Variants in PDCL3 observed in about 807,000 individuals in gnomAD.
PDCL3 encodes the protein phosducin like 3.
Under a neutral mutation model 26.5 loss-of-function variants are expected in PDCL3, and 22 were observed. That is an observed-to-expected ratio of 0.83 (90% confidence interval 0.59 to 1.19). The LOEUF is 1.19. PDCL3 is among the 50% of genes most tolerant of loss of function. The probability of loss-of-function intolerance (pLI) is 0.00; values close to 1 mark genes in which losing one functional copy is unlikely to be tolerated. For synonymous variants in PDCL3, 81 were observed against 104.9 expected (o/e 0.77, Z 1.39); for missense variants, 246 against 294.1 (o/e 0.84, Z 1.20).
intron 5 of PDCL3, among the ~76,000 whole-genome samples, chr2:100,575,500 G>A (rs1675269915): frequency 6.6e-6 from 1 of 152,148 alleles, no homozygotes; most frequent in African/African-American, 2.4e-5. Context: ...TCCTTTAAGC[G>A]AAGCCATTTG....
chr2:100,570,853 A>C (rs1373348252), intron 4 of PDCL3, among the ~76,000 whole-genome samples: 1 of 152,156 alleles, frequency 6.6e-6, no homozygotes, highest in Non-Finnish European at 1.5e-5. Context: ...ATTCAACCTT[A>C]TAAGAAATGT....
chr2:100,571,797 T>C lies in PDCL3; in HGVS notation c.576T>C (p.Asp192=). The C allele has an allele frequency of 6.2e-7, 1 of 1,614,026 alleles. No individual in the cohort carries two copies. Residue 192 remains aspartate (D), a splice_region_variant and synonymous_variant, in exon 5 of 6, where the codon GAT becomes GAC. Coordinates refer to ENST00000264254, the MANE Select transcript of PDCL3 (RefSeq NM_024065.5). Reference sequence around the variant, plus strand: ...TTGGCGGCATGAACCTGACAAGAGATGGTAAGGGCTCTGGGAGACAGGCGG... The same window carrying C: ...TTGGCGGCATGAACCTGACAAGAGACGGTAAGGGCTCTGGGAGACAGGCGG... ...LVFGGMNLTR[D]ELEWKLSESG... is the part of the protein sequence containing the mutation.
At chr2:100,571,507 A>C in intron 4 of PDCL3, 83 bp from the exon 5 acceptor site, 1 of 1,232,878 alleles carries the variant, frequency 8.1e-7, no homozygotes, top group Non-Finnish European at 1.2e-6. Flanking sequence ...ACAAGGTTTT[A>C]CTTAGGGTAG....
intron 1 of PDCL3, 75 bp downstream of exon 1, chr2:100,563,148 A>T: frequency 6.6e-7 from 1 of 1,511,716 alleles, no homozygotes; most frequent in South Asian, 1.2e-5. Flanking sequence ...CGGGCAGTGG[A>T]CGCCCGCCCT....
At position 100,568,941 on chromosome 2, in the gene PDCL3, T is replaced by G. The variant is rs755571480; in HGVS notation, c.144T>G (p.Tyr48Ter). 10 of 1,613,494 alleles carry G rather than the reference T, an allele frequency of 6.2e-6. No individual in the cohort carries two copies. The highest frequency in any genetic ancestry group is 7.6e-6 in the Non-Finnish European group (9 of 1,179,764). Residue 48 changes from tyrosine to a stop codon, truncating the protein, a stop_gained, in exon 3 of 6, where the codon TAT becomes TAG. Coordinates refer to ENST00000264254, the MANE Select transcript of PDCL3 (RefSeq NM_024065.5). LOFTEE classifies it high-confidence loss of function. ...TGTAACCAAATTCAGTGAAAACATA[T>G]GAAGATATGACTTTGGAAGAGCTGG... ...RILQQSVVKT[Y>*]EDMTLEELED...
At chr2:100,568,640 A>G (rs1400789735) in intron 2 of PDCL3, among the ~76,000 whole-genome samples, 1 of 152,136 alleles carries the variant, frequency 6.6e-6, no homozygotes, top group Non-Finnish European at 1.5e-5. Context: ...TCTCCAAAAA[A>G]AGGAAAATAA....
intron 5 of PDCL3, among the ~76,000 whole-genome samples, chr2:100,575,413 G>A (rs560793294): frequency 1.1e-3 from 165 of 152,342 alleles, no homozygotes; most frequent in Middle Eastern, 3.4e-3. Context: ...GGGATTACAG[G>A]CATGTGCCAC....
rs575405124 is a variant in PDCL3 at position 100,574,454 on chromosome 2, T to TA, written c.578-1899dup. Among the ~76,000 whole-genome samples the TA allele has an allele frequency of 2.1e-3, 315 of 152,126 alleles. 3 individuals are homozygous for TA. The highest frequency in any genetic ancestry group is 6.6e-3 in the African/African-American group (275 of 41,528). ...CTTCGTGGAACACTTTTTTTTTTTT[T>TA]ACCCAGCATGACTGAGGTATGATGA... On this transcript the variant is annotated intron_variant, in intron 5 of 5. Transcript: ENST00000264254.
intron 1 of PDCL3, among the ~76,000 whole-genome samples, chr2:100,565,956 T>C (rs955379316): frequency 6.6e-6 from 1 of 152,130 alleles, no homozygotes; most frequent in Non-Finnish European, 1.5e-5. Flanking sequence ...CAGGCTGGAG[T>C]GCAGTGGCAC....
rs1675065248 is a variant in PDCL3 at position 100,566,537 on chromosome 2, T to A, written c.41T>A (p.Leu14Ter). ...GCAGACACTGAATGGAATGACATCT[T>A]ACGCAAAAAGGGTATCTTACCCCCC... ...PNADTEWNDI[L>*]RKKGILPPKE... The change falls in exon 2 of 6, where the codon TTA becomes TAA. Residue 14 changes from leucine (L) to a stop codon, truncating the protein, a stop_gained. Transcript: ENST00000264254. LOFTEE classifies it high-confidence loss of function. The A allele has an allele frequency of 2.5e-6, 4 of 1,613,178 alleles. No individual in the cohort carries two copies. Among genetic ancestry groups the A allele is most frequent in the Non-Finnish European group, 3.4e-6 (4 of 1,179,868 alleles).
intron 5 of PDCL3, among the ~76,000 whole-genome samples, chr2:100,575,431 G>T (rs373445450): frequency 6.6e-6 from 1 of 152,320 alleles, no homozygotes; most frequent in South Asian, 2.1e-4. Flanking sequence ...CACCGCGCCC[G>T]GCCTGGTTTT....
rs563575893 is a variant in PDCL3, at chr2:100,565,899, G to A, written c.7-604G>A. Among the ~76,000 whole-genome samples, 55 of 152,194 alleles carry A rather than the reference G, an allele frequency of 3.6e-4. No individual in the cohort carries two copies. In the South Asian group the frequency reaches 3.9e-3, roughly 11 times the overall value. On this transcript the variant is annotated intron_variant, in intron 1 of 5. Coordinates refer to ENST00000264254, the MANE Select transcript of PDCL3 (RefSeq NM_024065.5). ...TTTTATCTGTTGAATGAATCACTCA[G>A]TCATTATTATTATTATTATTTTGAG...
chr2:100,569,894 C>A (rs1675134071), intron 4 of PDCL3, among the ~76,000 whole-genome samples, 173 bp downstream of exon 4: 1 of 152,094 alleles, frequency 6.6e-6, no homozygotes, highest in South Asian at 2.1e-4. Context: ...ATCATGAGGT[C>A]AGGAGATCAA....
chr2:100,565,078 C>T (rs79229000), intron 1 of PDCL3, among the ~76,000 whole-genome samples: 2,330 of 152,218 alleles, frequency 0.015, 52 homozygotes, highest in African/African-American at 0.052. Context: ...GTATGCATGC[C>T]GCAGGCCGCT....
chr2:100,569,090 CG>C, intron 3 of PDCL3, 69 bp downstream of exon 3: 1 of 1,344,002 alleles, frequency 7.4e-7, no homozygotes, highest in Non-Finnish European at 1.0e-6. Flanking sequence ...TTTTTTTTGG[CG>C]TGGCAATAAA....
chr2:100,563,210 C>A, intron 1 of PDCL3, 137 bp downstream of exon 1: 1 of 1,124,318 alleles, frequency 8.9e-7, no homozygotes, highest in Non-Finnish European at 1.2e-6. Context: ...CGTCCAGGCC[C>A]TGCGCAGGCG....
rs752318544 is a variant in PDCL3, at chr2:100,566,633, A to C, written c.133+4A>C. On this transcript the variant is annotated splice_donor_region_variant and intron_variant, in intron 2 of 5. Coordinates refer to ENST00000264254, the MANE Select transcript of PDCL3 (RefSeq NM_024065.5). ...CGCATCCTCCAGCAGTCAGTGGGTG[A>C]GTTCACTCGCTTTCCTCTGCACCTG... 2 of 1,613,710 alleles carry C rather than the reference A, an allele frequency of 1.2e-6. No homozygotes were observed. Among genetic ancestry groups the C allele is most frequent in the African/African-American group, 1.3e-5 (1 of 74,948 alleles).
Position 100,576,366 on chromosome 2 carries a change from A to G in PDCL3, c.590A>G (p.Lys197Arg), listed in dbSNP as rs1328017716. The G allele has an allele frequency of 2.5e-6, 4 of 1,613,796 alleles. No homozygotes were observed. The Admixed American group carries it at 6.7e-5, about 27-fold the overall frequency. The change falls in exon 6 of 6, where the codon AAA becomes AGA. Residue 197 changes from lysine to arginine, a missense_variant. Lys to Arg is a conservative substitution (Grantham distance 26). Coordinates refer to ENST00000264254, the MANE Select transcript of PDCL3 (RefSeq NM_024065.5). ...MNLTRDELEWKLSESGAIMTD... is the reference protein window; with the variant it reads ...MNLTRDELEWRLSESGAIMTD... ...CTTTACCATATAGAGTTGGAATGGA[A>G]ACTGTCTGAATCTGGAGCAATTATG...
chr2:100,569,027 C>T lies in PDCL3; in HGVS notation c.224+6C>T, dbSNP rs767098290. ...CGTGCTATTGAAATGTACAGGTAAG[C>T]GCCACCCAGAGGGGCTGTTTGTTTT... On this transcript the variant is annotated splice_donor_region_variant and intron_variant, in intron 3 of 5. Coordinates refer to ENST00000264254, the MANE Select transcript of PDCL3 (RefSeq NM_024065.5). 21 of 1,600,960 alleles carry T rather than the reference C, an allele frequency of 1.3e-5. No individual in the cohort carries two copies. In the Admixed American group the frequency reaches 2.1e-4, roughly 16 times the overall value.
Sources: allele counts gnomAD v4.1 joint callset (sites outside exome capture counted in the v4.1 genomes callset), GRCh38; gene constraint gnomAD v4.1.1; transcripts MANE v1.5; gene names NCBI Gene and HGNC (gene_info 2026-07-23, HGNC 2026-07-21).